Variants in PTPRM observed in about 807,000 individuals in gnomAD.
The protein encoded by PTPRM is protein tyrosine phosphatase receptor type M, also known as receptor-type tyrosine-protein phosphatase mu.
In PTPRM, 47 loss-of-function variants were observed where a neutral mutation model predicts 186.7. The ratio of observed to expected loss-of-function variants is 0.25; its 90% CI spans 0.20 to 0.32. PTPRM has a LOEUF of 0.32. PTPRM is among the 10% of genes least tolerant of loss of function. PTPRM has a pLI of 1.00. For synonymous variants in PTPRM, 668 were observed against 674.9 expected (o/e 0.99, Z 0.16); for missense variants, 1,494 against 1,865.0 (o/e 0.80, Z 3.66).
intron 7 of PTPRM, among the ~76,000 whole-genome samples, chr18:7,976,261 T>C (rs1234917156): frequency 6.6e-6 from 1 of 152,196 alleles, no homozygotes; most frequent in Non-Finnish European, 1.5e-5. Flanking sequence ...GGCCAAACTA[T>C]GGATACAGTA....
chr18:7,843,729 A>G (rs1008302686), intron 2 of PTPRM, among the ~76,000 whole-genome samples: 1 of 152,192 alleles, frequency 6.6e-6, no homozygotes, highest in South Asian at 2.1e-4. Flanking sequence ...CTATTGCTGC[A>G]TGGCTCAAAA....
intron 2 of PTPRM, among the ~76,000 whole-genome samples, chr18:7,869,443 A>G (rs2146162055): frequency 6.6e-6 from 1 of 152,238 alleles, no homozygotes; most frequent in South Asian, 2.1e-4. Context: ...TCCCTTGGCT[A>G]GGGGAGAGAA....
chr18:7,933,461 C>T (rs974542486), intron 5 of PTPRM, among the ~76,000 whole-genome samples: 4 of 151,164 alleles, frequency 2.6e-5, no homozygotes, highest in Non-Finnish European at 5.9e-5. Flanking sequence ...TACAAGGAGG[C>T]ATTAAGTTTG....
chr18:7,909,318 C>A (rs2050149959), intron 4 of PTPRM, among the ~76,000 whole-genome samples: 1 of 152,168 alleles, frequency 6.6e-6, no homozygotes, highest in African/African-American at 2.4e-5. Context: ...TGGAGAATAC[C>A]TGTGCTAATA....
chr18:8,284,341 G>C (rs1938270601), intron 19 of PTPRM, among the ~76,000 whole-genome samples: 1 of 152,084 alleles, frequency 6.6e-6, no homozygotes, highest in South Asian at 2.1e-4. Flanking sequence ...CTGGTTTCTT[G>C]AACTGGGGCC....
intron 2 of PTPRM, among the ~76,000 whole-genome samples, chr18:7,866,845 A>G (rs1186261583): frequency 6.6e-6 from 1 of 152,082 alleles, no homozygotes; most frequent in Non-Finnish European, 1.5e-5. Context: ...GGTCTCTGTG[A>G]ACTTGCTTTA....
intron 1 of PTPRM, among the ~76,000 whole-genome samples, chr18:7,770,059 A>G (rs1313342082): frequency 6.6e-6 from 1 of 152,228 alleles, no homozygotes; most frequent in Non-Finnish European, 1.5e-5. Flanking sequence ...GAAATATAGT[A>G]CAACCATGGA....
chr18:8,120,881 A>G (rs1000857525), intron 13 of PTPRM, among the ~76,000 whole-genome samples: 7 of 152,328 alleles, frequency 4.6e-5, no homozygotes, highest in Admixed American at 1.3e-4. Flanking sequence ...ACTGCATAGG[A>G]GTATTGGTTG....
chr18:7,842,930 G>GTGTATA lies in PTPRM; in HGVS notation c.197-45175_197-45174insGTATAT, dbSNP rs377182615. ...CTCATATGTGTGTGTGTGTGTGTGT[G>GTGTATA]TATATATATATATATATAGAGAGAG... is the stretch of plus-strand genomic sequence containing the variant. On this transcript the variant is annotated intron_variant, in intron 2 of 32. Transcript: ENST00000580170. Among the ~76,000 whole-genome samples the GTGTATA allele has an allele frequency of 1.8e-3, 183 of 100,884 alleles. 3 individuals are homozygous for GTGTATA. The highest frequency in any genetic ancestry group is 2.3e-3 in the Non-Finnish European group (130 of 56,660). The allele number at this position is 100,884 out of a possible 152,430, so 66.2% of individuals were successfully genotyped here. A position where few individuals can be genotyped will look rare whatever the true frequency, so the allele number is the denominator to read the frequency against.
chr18:7,832,464 TTATTAGA>T (rs1350446137), intron 2 of PTPRM, among the ~76,000 whole-genome samples: 2 of 105,666 alleles, frequency 1.9e-5, no homozygotes, highest in Non-Finnish European at 4.5e-5. Flanking sequence ...GCCATTTTAC[TTATTAGA>T]TATTTTTCCT....
chr18:7,790,923 C>T (rs748212120), intron 2 of PTPRM, among the ~76,000 whole-genome samples: 9 of 151,752 alleles, frequency 5.9e-5, no homozygotes, highest in African/African-American at 9.6e-5. Context: ...AAAAAAAACA[C>T]ATATGCAAAA....
chr18:8,175,996 A>C (rs1189009886), intron 14 of PTPRM, among the ~76,000 whole-genome samples: 1 of 152,228 alleles, frequency 6.6e-6, no homozygotes, highest in Non-Finnish European at 1.5e-5. Flanking sequence ...AAAGTGGTTC[A>C]GAAAGCAGCA....
chr18:7,649,448 A>G (rs112554772), intron 1 of PTPRM, among the ~76,000 whole-genome samples: 99 of 152,324 alleles, frequency 6.5e-4, no homozygotes, highest in African/African-American at 2.3e-3. Flanking sequence ...GATCTGGGCA[A>G]AGTAAATGGA....
intron 1 of PTPRM, among the ~76,000 whole-genome samples, chr18:7,615,067 G>GTTC (rs879012903): frequency 6.6e-6 from 1 of 151,826 alleles, no homozygotes; most frequent in Admixed American, 6.6e-5. Flanking sequence ...TTACATTGAT[G>GTTC]TTCCCATAGA....
chr18:8,039,021 C>T (rs559265759), intron 7 of PTPRM, among the ~76,000 whole-genome samples: 1 of 152,082 alleles, frequency 6.6e-6, no homozygotes, highest in African/African-American at 2.4e-5. Flanking sequence ...AAACCTGATA[C>T]ATTTTATGAT....
intron 22 of PTPRM, among the ~76,000 whole-genome samples, chr18:8,320,698 C>T: frequency 6.6e-6 from 1 of 152,132 alleles, no homozygotes; most frequent in East Asian, 1.9e-4. Flanking sequence ...CCACAGCCAC[C>T]CCAAGAACCT....
intron 22 of PTPRM, among the ~76,000 whole-genome samples, chr18:8,331,801 A>G (rs914467267): frequency 1.7e-4 from 26 of 152,188 alleles, no homozygotes; most frequent in African/African-American, 6.0e-4. Context: ...ACTGTAGACA[A>G]ACATAGGTTG....
rs187534864 is a variant in PTPRM at position 7,665,692 on chromosome 18, C to T, written c.73+97801C>T. 2.1e-3 allele frequency among the ~76,000 whole-genome samples: 320 copies of T among 152,006 alleles called. 2 individuals are homozygous for T. Among genetic ancestry groups the T allele is most frequent in the Admixed American group, 0.014 (212 of 15,258 alleles). On this transcript the variant is annotated intron_variant, in intron 1 of 32. Coordinates refer to ENST00000580170, the MANE Select transcript of PTPRM (RefSeq NM_001105244.2). Reference sequence around the variant, plus strand: ...CTGTAATCCCAGCACTTTTGGAGGCCGAGGGGGGTGGATCATGAGGTCAGG... The same window carrying T: ...CTGTAATCCCAGCACTTTTGGAGGCTGAGGGGGGTGGATCATGAGGTCAGG...
At chr18:7,895,090 T>G (rs893725108) in intron 3 of PTPRM, among the ~76,000 whole-genome samples, 9 of 152,162 alleles carry the variant, frequency 5.9e-5, no homozygotes, top group Non-Finnish European at 1.3e-4. Context: ...ATACACTTTG[T>G]GTTACAAAGA....
Sources: gnomAD v4.1 joint callset for allele counts (sites outside exome capture counted in the v4.1 genomes callset) on GRCh38, gnomAD v4.1.1 for gene constraint, MANE v1.5 for transcripts, NCBI Gene and HGNC (gene_info 2026-07-23, HGNC 2026-07-21) for gene names.